The following OXNAD1 variants were observed in gnomAD, a reference collection of about 807,000 sequenced individuals.
OXNAD1 encodes the protein oxidoreductase NAD-binding domain-containing protein 1.
OXNAD1 carries 34 observed loss-of-function variants against 32.9 expected under a neutral mutation model. The observed-to-expected ratio is 1.03, with a 90% CI of 0.79 to 1.38. OXNAD1 has a LOEUF of 1.38. Among genes scored for constraint, OXNAD1 ranks in the 40% most tolerant of loss-of-function variants. OXNAD1 has a pLI of 0.00. For synonymous variants in OXNAD1, 134 were observed against 135.2 expected (o/e 0.99, Z 0.06); for missense variants, 407 against 379.4 (o/e 1.07, Z -0.60).
chr3:16,345,455 G>A lies in OXNAD1; in HGVS notation c.*31-3721G>A, dbSNP rs2071590696. 6.6e-6 allele frequency among the ~76,000 whole-genome samples: 1 copy of A among 152,296 alleles called. No individual in the cohort carries two copies. The highest frequency in any genetic ancestry group is 2.1e-4 in the South Asian group (1 of 4,820). On this transcript the variant is annotated intron_variant, in intron 9 of 9. Coordinates refer to the OXNAD1 transcript ENST00000606098. This position sits in a 1 kb window ranked among gnomAD's most constrained non-coding sequence, Gnocchi z 5.2. Reference sequence around the variant, plus strand: ...ATGTTGTGAGGGTGTTTCTGGAAAAGATTAGCATTTGAATGGGTCAACTGA... The same window carrying A: ...ATGTTGTGAGGGTGTTTCTGGAAAAAATTAGCATTTGAATGGGTCAACTGA...
rs975536366 is a variant in OXNAD1, at chr3:16,327,381, G to A, written c.*31-9731G>A. On this transcript the variant is annotated intron_variant, in intron 9 of 9. Coordinates refer to the OXNAD1 transcript ENST00000435829. The surrounding 1 kb of genome is among the most constrained non-coding windows in gnomAD (Gnocchi z 4.2). ...AGAAGCTGCTTTGCCTGTGTTATGT[G>A]CCCTGCCTTGCAGGGATAAATGAAT... 4.6e-5 allele frequency among the ~76,000 whole-genome samples: 7 copies of A among 152,192 alleles called. No homozygotes were observed. The highest frequency in any genetic ancestry group is 1.7e-4 in the African/African-American group (7 of 41,446).
rs560590954 is a variant in OXNAD1, at chr3:16,334,331, A to C, written c.*31-2781A>C. Among the ~76,000 whole-genome samples the C allele has an allele frequency of 3.3e-5, 5 of 152,184 alleles. No homozygotes were observed. The South Asian group carries it at 1.0e-3, about 31-fold the overall frequency. On this transcript the variant is annotated intron_variant, in intron 9 of 9. Transcript: ENST00000435829. This position sits in a 1 kb window ranked among gnomAD's most constrained non-coding sequence, Gnocchi z 4.3. ...GCTAGTGGAAGGGCTCATTGATTCAACCCTCCTGGAGAACAGTTTGACAGT... is the reference window on the plus strand; with the variant it reads ...GCTAGTGGAAGGGCTCATTGATTCACCCCTCCTGGAGAACAGTTTGACAGT...
downstream of OXNAD1, among the ~76,000 whole-genome samples, chr3:16,351,139 C>G (rs867410029): frequency 1.3e-5 from 2 of 152,110 alleles, no homozygotes; most frequent in Non-Finnish European, 2.9e-5. The surrounding 1 kb of genome is among the most constrained non-coding windows in gnomAD (Gnocchi z 5.4). Flanking sequence ...TGTCATCGAG[C>G]CTTTCATGTA....
downstream of OXNAD1, among the ~76,000 whole-genome samples, chr3:16,337,673 C>A (rs919538514): frequency 6.8e-6 from 1 of 147,000 alleles, no homozygotes; most frequent in Non-Finnish European, 1.5e-5. This position sits in a 1 kb window ranked among gnomAD's most constrained non-coding sequence, Gnocchi z 5.0. Flanking sequence ...ACCCAGGAGG[C>A]GGAGGTTGCA....
chr3:16,268,708 G>C (rs780327889), intron 1 of OXNAD1, among the ~76,000 whole-genome samples: 8 of 152,178 alleles, frequency 5.3e-5, no homozygotes, highest in Non-Finnish European at 1.2e-4. Flanking sequence ...ATCATTAAAT[G>C]ATGTATCCTA....
At chr3:16,311,318 C>T (rs2125127213) in intron 9 of OXNAD1, among the ~76,000 whole-genome samples, 1 of 700 alleles carries the variant, frequency 1.4e-3, no homozygotes, top group Non-Finnish European at 2.7e-3. Flanking sequence ...CCTCAGCTTC[C>T]CGAGTAGCTG....
rs11929469 is a variant in OXNAD1, at chr3:16,277,081, T to C, written c.183+5359T>C. On this transcript the variant is annotated intron_variant, in intron 4 of 8. Coordinates refer to ENST00000285083, the MANE Select transcript of OXNAD1 (RefSeq NM_138381.5). The surrounding 1 kb of genome is among the most constrained non-coding windows in gnomAD (Gnocchi z 4.3). ...CTGGGATTACAGGCGCCTGCCACCA[T>C]GCCCGGCTAACTTTTTTTTGTATTT... 3.3e-5 allele frequency among the ~76,000 whole-genome samples: 5 copies of C among 151,932 alleles called. No individual in the cohort carries two copies. The South Asian group carries it at 1.0e-3, about 32-fold the overall frequency.
rs1160516912 is a variant in OXNAD1 at position 16,290,932 on chromosome 3, A to G, written c.291-3924A>G. 6.6e-6 allele frequency among the ~76,000 whole-genome samples: 1 copy of G among 152,194 alleles called. No individual in the cohort carries two copies. Among genetic ancestry groups the G allele is most frequent in the African/African-American group, 2.4e-5 (1 of 41,448 alleles). ...ACTTTTTGCTCTTGTGATGGCTGTG[A>G]AACACCTAGATTGGATGTTTATGTT... On this transcript the variant is annotated intron_variant, in intron 5 of 8. Transcript: ENST00000285083. This position sits in a 1 kb window ranked among gnomAD's most constrained non-coding sequence, Gnocchi z 4.2.
intron 4 of OXNAD1, among the ~76,000 whole-genome samples, chr3:16,272,692 C>T (rs1288436613): frequency 7.5e-6 from 1 of 133,828 alleles, no homozygotes; most frequent in Non-Finnish European, 1.5e-5. Flanking sequence ...ATTAGTTTAG[C>T]ATAGTAGATT....
rs575222310 is a variant in OXNAD1, at chr3:16,329,246, G to T, written c.*31-7866G>T. Among the ~76,000 whole-genome samples the T allele has an allele frequency of 6.6e-6, 1 of 152,338 alleles. No homozygotes were observed. The highest frequency in any genetic ancestry group is 2.4e-5 in the African/African-American group (1 of 41,578). ...TCGACCTTGGACTTCCCAGCCTCCAGGACCAGGAGCCAAGAACTGTCTGTC... is the reference window on the plus strand; with the variant it reads ...TCGACCTTGGACTTCCCAGCCTCCATGACCAGGAGCCAAGAACTGTCTGTC... On this transcript the variant is annotated intron_variant, in intron 9 of 9. Transcript: ENST00000435829. This position sits in a 1 kb window ranked among gnomAD's most constrained non-coding sequence, Gnocchi z 4.5.
chr3:16,350,216 A>G (rs1347735148), exon 10 of OXNAD1: 1 of 152,226 alleles, frequency 6.6e-6, no homozygotes, highest in African/African-American at 2.4e-5. Flanking sequence ...GACCTCATCT[A>G]TAATAAGAAT....
chr3:16,311,617 TCATTCCC>T (rs1442959961), intron 9 of OXNAD1, among the ~76,000 whole-genome samples: 3 of 152,182 alleles, frequency 2.0e-5, no homozygotes, highest in African/African-American at 7.2e-5. Context: ...AATACCTCCC[TCATTCCC>T]CAATCATTTG....
rs2069101476 is a variant in OXNAD1, at chr3:16,321,895, C to T, written c.*31-15217C>T. ...ACTCAAGTTTCCACTGACTTGTCCCCCTGCATGCGATGCCATGACCTTCAC... is the reference window on the plus strand; with the variant it reads ...ACTCAAGTTTCCACTGACTTGTCCCTCTGCATGCGATGCCATGACCTTCAC... On this transcript the variant is annotated intron_variant, in intron 9 of 9. Transcript: ENST00000435829. The surrounding 1 kb of genome is among the most constrained non-coding windows in gnomAD (Gnocchi z 4.8). 6.6e-6 allele frequency among the ~76,000 whole-genome samples: 1 copy of T among 152,214 alleles called. No individual in the cohort carries two copies.
In OXNAD1 at chr3:16,280,443, A is replaced by G. The variant is rs1196640110; in HGVS notation, c.184-5899A>G. 6.6e-6 allele frequency among the ~76,000 whole-genome samples: 1 copy of G among 151,916 alleles called. No individual in the cohort carries two copies. Among genetic ancestry groups the G allele is most frequent in the Non-Finnish European group, 1.5e-5 (1 of 68,002 alleles). ...TCTACCTTTGTTAGTAAATCACTTG[A>G]GTAAAATCTGCTTCTAGTCAGATTC... is the stretch of plus-strand genomic sequence containing the variant. On this transcript the variant is annotated intron_variant, in intron 4 of 8. Coordinates refer to ENST00000285083, the MANE Select transcript of OXNAD1 (RefSeq NM_138381.5). The surrounding 1 kb of genome is among the most constrained non-coding windows in gnomAD (Gnocchi z 4.5).
Position 16,271,225 on chromosome 3 carries a change from A to T in OXNAD1, c.119+154A>T. On this transcript the variant is annotated intron_variant, in intron 3 of 8. Coordinates refer to ENST00000285083, the MANE Select transcript of OXNAD1 (RefSeq NM_138381.5). The surrounding 1 kb of genome is among the most constrained non-coding windows in gnomAD (Gnocchi z 4.6). ...TTGTTAACCGTTTTTTTTGTCTGAG[A>T]TGGAGTCTTGCTCCGTCGCCTGGGC... 1 of 926,718 alleles carries T rather than the reference A, an allele frequency of 1.1e-6. No individual in the cohort carries two copies. Among genetic ancestry groups the T allele is most frequent in the Non-Finnish European group, 1.6e-6 (1 of 620,616 alleles). 57.4% of individuals were successfully genotyped at this position (926,718 alleles called of 1,614,324 possible).
chr3:16,317,689 C>T lies in OXNAD1; in HGVS notation c.*30+14097C>T, dbSNP rs545317596. 6.6e-6 allele frequency among the ~76,000 whole-genome samples: 1 copy of T among 152,150 alleles called. No homozygotes were observed. Among genetic ancestry groups the T allele is most frequent in the Non-Finnish European group, 1.5e-5 (1 of 68,024 alleles). ...CTCTCACTAGGTCACCTGAGTAAGGCAGGGCCCAGAACATGGGGCAGACAC... is the reference window on the plus strand; with the variant it reads ...CTCTCACTAGGTCACCTGAGTAAGGTAGGGCCCAGAACATGGGGCAGACAC... On this transcript the variant is annotated intron_variant, in intron 9 of 9. Transcript: ENST00000435829. This position sits in a 1 kb window ranked among gnomAD's most constrained non-coding sequence, Gnocchi z 4.3.
In OXNAD1 at chr3:16,271,852, T is replaced by A; in HGVS notation, c.183+130T>A. On this transcript the variant is annotated intron_variant, in intron 4 of 8. Transcript: ENST00000285083. The surrounding 1 kb of genome is among the most constrained non-coding windows in gnomAD (Gnocchi z 4.6). ...AGAGTTGGGAAGTTTGTTATTTTTCTATTTAGAAATTTTCTGAGCAGGACA... is the reference window on the plus strand; with the variant it reads ...AGAGTTGGGAAGTTTGTTATTTTTCAATTTAGAAATTTTCTGAGCAGGACA... 1.3e-6 allele frequency: 1 copy of A among 794,820 alleles called. No individual in the cohort carries two copies. Among genetic ancestry groups the A allele is most frequent in the Non-Finnish European group, 2.0e-6 (1 of 507,902 alleles). The allele number at this position is 794,820 out of a possible 1,614,324, so 49.2% of individuals were successfully genotyped here.
chr3:16,301,103 C>G lies in OXNAD1; in HGVS notation c.433-523C>G, dbSNP rs1575146592. Among the ~76,000 whole-genome samples, 5 of 152,320 alleles carry G rather than the reference C, an allele frequency of 3.3e-5. 1 individual carries two copies. Among genetic ancestry groups the G allele is most frequent in the Non-Finnish European group, 7.3e-5 (5 of 68,028 alleles). On this transcript the variant is annotated intron_variant, in intron 6 of 8. Coordinates refer to ENST00000285083, the MANE Select transcript of OXNAD1 (RefSeq NM_138381.5). The surrounding 1 kb of genome is among the most constrained non-coding windows in gnomAD (Gnocchi z 4.1). The stretch of plus-strand genomic sequence containing the variant: ...ACAGGAACAGCACTGAACAGTACTA[C>G]AGGGCTGGTCTAAGCCTGTAGAGCT...
chr3:16,342,092 G>A (rs958590663), downstream of OXNAD1, among the ~76,000 whole-genome samples: 10 of 152,088 alleles, frequency 6.6e-5, no homozygotes, highest in African/African-American at 2.4e-4. The surrounding 1 kb of genome is among the most constrained non-coding windows in gnomAD (Gnocchi z 4.0). Context: ...AAACAATTCA[G>A]TGGTTTATAA....
Sources: allele counts gnomAD v4.1 joint callset (sites outside exome capture counted in the v4.1 genomes callset), GRCh38; gene constraint gnomAD v4.1.1; non-coding constraint Gnocchi (gnomAD v3.1); transcripts MANE v1.5; gene names NCBI Gene and HGNC (gene_info 2026-07-23, HGNC 2026-07-21).